The following EYA2 variants were observed in gnomAD, a reference collection of about 807,000 sequenced individuals.
The protein encoded by EYA2 is EYA transcriptional coactivator and phosphatase 2, also known as protein phosphatase EYA2.
Under a neutral mutation model 69.2 loss-of-function variants are expected in EYA2, and 31 were observed. The observed-to-expected ratio is 0.45, with a 90% CI of 0.34 to 0.60. The LOEUF (loss-of-function observed/expected upper bound fraction) is 0.60. Among genes scored for constraint, EYA2 ranks in the 20% least tolerant of loss-of-function variants. EYA2 has a pLI of 0.02. For synonymous variants in EYA2, 257 were observed against 279.4 expected (o/e 0.92, Z 0.80); for missense variants, 622 against 701.2 (o/e 0.89, Z 1.28).
chr20:47,146,264 T>A (rs2033697548), intron 10 of EYA2, among the ~76,000 whole-genome samples: 1 of 152,180 alleles, frequency 6.6e-6, no homozygotes, highest in African/African-American at 2.4e-5. Context: ...AGCAGATAGA[T>A]GAGTTTGAAC....
At position 47,083,295 on chromosome 20, in the gene EYA2, A is replaced by G. The variant is rs530087813; in HGVS notation, c.662-5944A>G. On this transcript the variant is annotated intron_variant, in intron 7 of 15. Transcript: ENST00000327619. ...TCTTTTCAACAAAAGATGCTGGAAC[A>G]GCCGAGCACAGTGGCTCACGCCTGT... 2.0e-4 allele frequency among the ~76,000 whole-genome samples: 31 copies of G among 152,282 alleles called. No homozygotes were observed. The South Asian group carries it at 6.2e-3, about 31-fold the overall frequency.
intron 9 of EYA2, among the ~76,000 whole-genome samples, chr20:47,133,250 C>T (rs1390431968): frequency 6.6e-6 from 1 of 152,030 alleles, no homozygotes; most frequent in Non-Finnish European, 1.5e-5. Flanking sequence ...AGCTCAGCCA[C>T]CCCAGGAAAA....
intron 12 of EYA2, among the ~76,000 whole-genome samples, chr20:47,175,569 G>T (rs947600206): frequency 1.3e-5 from 2 of 152,188 alleles, no homozygotes; most frequent in African/African-American, 2.4e-5. Context: ...CACAGGAAAG[G>T]TGCTCAGAAC....
chr20:47,017,888 G>A (rs1264968441), intron 5 of EYA2, among the ~76,000 whole-genome samples: 1 of 152,228 alleles, frequency 6.6e-6, no homozygotes, highest in Admixed American at 6.5e-5. Context: ...GACTGTGTCA[G>A]ATGTCTTGGG....
At chr20:47,116,355 T>G (rs2032892629) in intron 9 of EYA2, among the ~76,000 whole-genome samples, 1 of 151,992 alleles carries the variant, frequency 6.6e-6, no homozygotes. Context: ...TTTTTGTATT[T>G]TTAGTAGAGA....
intron 12 of EYA2, among the ~76,000 whole-genome samples, chr20:47,173,410 C>T (rs1293641414): frequency 6.6e-6 from 1 of 150,470 alleles, no homozygotes; most frequent in South Asian, 2.1e-4. Flanking sequence ...CAGCATCCCC[C>T]GGAGCTGGTT....
chr20:47,000,014 G>T (rs574243163), intron 2 of EYA2, among the ~76,000 whole-genome samples: 1 of 152,324 alleles, frequency 6.6e-6, no homozygotes, highest in Non-Finnish European at 1.5e-5. Flanking sequence ...TAGTGTCATG[G>T]TTGAGAAGAC....
chr20:47,039,345 G>A (rs963893513), intron 5 of EYA2, among the ~76,000 whole-genome samples: 1 of 152,174 alleles, frequency 6.6e-6, no homozygotes, highest in African/African-American at 2.4e-5. Flanking sequence ...TCAAATTTCA[G>A]TGTCTACTAA....
intron 4 of EYA2, among the ~76,000 whole-genome samples, chr20:47,013,966 G>T (rs545174253): frequency 1.3e-5 from 2 of 152,092 alleles, no homozygotes; most frequent in Admixed American, 6.5e-5. Flanking sequence ...AGAGTTATCC[G>T]CCAATTGCTA....
chr20:47,138,758 A>G (rs1252339103), intron 9 of EYA2, among the ~76,000 whole-genome samples: 1 of 152,126 alleles, frequency 6.6e-6, no homozygotes, highest in Non-Finnish European at 1.5e-5. Context: ...TCAAAAAAAA[A>G]AAAAATCTAG....
At chr20:46,973,829 G>A (rs1181681685) in intron 1 of EYA2, among the ~76,000 whole-genome samples, 1 of 149,438 alleles carries the variant, frequency 6.7e-6, no homozygotes, top group East Asian at 1.9e-4. Flanking sequence ...GTATGAAATT[G>A]CATAAAATTC....
chr20:47,084,576 T>C (rs2031832279), intron 7 of EYA2, among the ~76,000 whole-genome samples: 1 of 152,082 alleles, frequency 6.6e-6, no homozygotes, highest in South Asian at 2.1e-4. Flanking sequence ...GGGCAAAATA[T>C]TTGAACAGAT....
intron 7 of EYA2, among the ~76,000 whole-genome samples, chr20:47,087,231 G>A (rs983865793): frequency 9.2e-5 from 14 of 152,108 alleles, no homozygotes; most frequent in African/African-American, 3.1e-4. Context: ...AAGGGAAATA[G>A]TTCTTTCAGT....
intron 1 of EYA2, among the ~76,000 whole-genome samples, chr20:46,933,462 G>A (rs1029333844): frequency 2.6e-5 from 4 of 152,240 alleles, no homozygotes; most frequent in African/African-American, 9.6e-5. Flanking sequence ...TTACTTCACA[G>A]TGGGCAAGAT....
At position 46,974,170 on chromosome 20, in the gene EYA2, A is replaced by G. The variant is rs75195970; in HGVS notation, c.-10-15831A>G. ...CTCAAATATGAAAGGCACTTAAAAC[A>G]ATGTCTGGCTCATAGACAGTGCTTA... On this transcript the variant is annotated intron_variant, in intron 1 of 15. Transcript: ENST00000327619. Among the ~76,000 whole-genome samples the G allele has an allele frequency of 4.9e-3, 748 of 152,332 alleles. 7 individuals carry two copies. Among genetic ancestry groups the G allele is most frequent in the African/African-American group, 0.017 (693 of 41,574 alleles).
At chr20:46,896,768 C>G (rs906631633) in intron 1 of EYA2, among the ~76,000 whole-genome samples, 2 of 152,050 alleles carry the variant, frequency 1.3e-5, no homozygotes, top group African/African-American at 4.8e-5. Flanking sequence ...AGAGCCTGAA[C>G]TTTTTTTTAC....
chr20:47,021,417 A>T (rs1237656265), intron 5 of EYA2, among the ~76,000 whole-genome samples: 17 of 152,070 alleles, frequency 1.1e-4, no homozygotes, highest in Admixed American at 1.1e-3. Context: ...ATCTGAGCTC[A>T]GGAGTTCAAG....
chr20:46,985,697 G>T (rs566258421), intron 1 of EYA2, among the ~76,000 whole-genome samples: 77 of 152,294 alleles, frequency 5.1e-4, no homozygotes, highest in Non-Finnish European at 9.8e-4. Flanking sequence ...GAGCCCATAT[G>T]CCTTGACTTA....
intron 1 of EYA2, among the ~76,000 whole-genome samples, chr20:46,971,243 G>A (rs1980126902): frequency 6.6e-6 from 1 of 152,158 alleles, no homozygotes; most frequent in African/African-American, 2.4e-5. Flanking sequence ...AATAACCTAG[G>A]AGTTTATTTC....
Sources: gnomAD v4.1 joint callset for allele counts (sites outside exome capture counted in the v4.1 genomes callset) on GRCh38, gnomAD v4.1.1 for gene constraint, MANE v1.5 for transcripts, NCBI Gene and HGNC (gene_info 2026-07-23, HGNC 2026-07-21) for gene names.